Variants in AUTS2 observed in about 807,000 individuals in gnomAD.
The protein encoded by AUTS2 is autism susceptibility gene 2 protein.
AUTS2 carries 17 observed loss-of-function variants against 112.4 expected under a neutral mutation model. The observed-to-expected ratio is 0.15, with a 90% confidence interval of 0.10 to 0.23. AUTS2 has a LOEUF of 0.23. Among genes scored for constraint, AUTS2 ranks in the 10% least tolerant of loss-of-function variants. The pLI is 1.00. For synonymous variants in AUTS2, 751 were observed against 702.7 expected (o/e 1.07, Z -1.09); for missense variants, 1,510 against 1,701.6 (o/e 0.89, Z 1.98).
At position 70,085,469 on chromosome 7, in the gene AUTS2, A is replaced by G. The variant is rs554762430; in HGVS notation, c.523-32663A>G. 1.1e-4 allele frequency among the ~76,000 whole-genome samples: 17 copies of G among 152,056 alleles called. 1 individual carries two copies. The South Asian group carries it at 3.5e-3, about 32-fold the overall frequency. On this transcript the variant is annotated intron_variant, in intron 2 of 18. Transcript: ENST00000342771. ...CAACCTCCGCCTCTGTGTTCAAGCA[A>G]TTATCCCTGCCTCAGCCTCCTGAGT... is the stretch of plus-strand genomic sequence containing the variant.
At chr7:70,298,156 C>G (rs1012765298) in intron 4 of AUTS2, among the ~76,000 whole-genome samples, 5 of 151,906 alleles carry the variant, frequency 3.3e-5, no homozygotes, top group Admixed American at 6.6e-5. Context: ...CTCAGCCTCC[C>G]GAGTAGCTGG....
At chr7:70,063,508 C>T (rs1186961626) in intron 2 of AUTS2, among the ~76,000 whole-genome samples, 1 of 152,140 alleles carries the variant, frequency 6.6e-6, no homozygotes, top group African/African-American at 2.4e-5. Context: ...CTCTCAGCCT[C>T]GGTTTTCTCA....
intron 5 of AUTS2, among the ~76,000 whole-genome samples, chr7:70,510,950 G>A (rs1187516926): frequency 1.3e-5 from 2 of 152,130 alleles, no homozygotes; most frequent in African/African-American, 4.8e-5. Flanking sequence ...CCGGGTTCAA[G>A]TGATTGTCCT....
chr7:70,205,259 G>C (rs1391891074), intron 4 of AUTS2, among the ~76,000 whole-genome samples: 2 of 152,012 alleles, frequency 1.3e-5, no homozygotes, highest in African/African-American at 4.8e-5. Context: ...TATTGCCCAG[G>C]CTGGTCTTGA....
At chr7:70,418,921 A>G (rs1795100710) in intron 4 of AUTS2, among the ~76,000 whole-genome samples, 1 of 151,260 alleles carries the variant, frequency 6.6e-6, no homozygotes, top group African/African-American at 2.4e-5. Context: ...AACTCTATGT[A>G]TCTTGTTTCC....
chr7:70,695,244 C>T (rs955359000), intron 5 of AUTS2, among the ~76,000 whole-genome samples: 1 of 152,152 alleles, frequency 6.6e-6, no homozygotes, highest in Admixed American at 6.5e-5. Context: ...GGCCCTGTCG[C>T]CCGCCTTTGT....
chr7:69,908,938 A>G (rs980135791), intron 2 of AUTS2, among the ~76,000 whole-genome samples: 8 of 152,156 alleles, frequency 5.3e-5, no homozygotes, highest in South Asian at 2.1e-4. Flanking sequence ...TTCCCAGGTA[A>G]TCACCTTGGC....
intron 4 of AUTS2, among the ~76,000 whole-genome samples, chr7:70,274,143 T>C (rs1468816354): frequency 1.3e-5 from 2 of 152,172 alleles, no homozygotes; most frequent in Non-Finnish European, 2.9e-5. Context: ...GATTTCTTTT[T>C]CTCTCTTCTA....
chr7:69,796,713 G>A lies in AUTS2; in HGVS notation c.310-102573G>A, dbSNP rs373263725. 1.7e-4 allele frequency among the ~76,000 whole-genome samples: 26 copies of A among 152,208 alleles called. No homozygotes were observed. The East Asian group carries it at 5.0e-3, about 29-fold the overall frequency. On this transcript the variant is annotated intron_variant, in intron 1 of 18. Coordinates refer to ENST00000342771, the MANE Select transcript of AUTS2 (RefSeq NM_015570.4). ...TGCAGGGTAGCTGAAAAGAAATGCA[G>A]TTCTGTTATTTTTTTGTTATAGAGT...
At chr7:69,952,670 A>G (rs780679869) in intron 2 of AUTS2, among the ~76,000 whole-genome samples, 12 of 152,142 alleles carry the variant, frequency 7.9e-5, no homozygotes, top group Admixed American at 3.3e-4. Flanking sequence ...GTGACAATAT[A>G]CTAGGACCTA....
At chr7:70,510,107 G>A (rs942339736) in intron 5 of AUTS2, among the ~76,000 whole-genome samples, 2 of 152,098 alleles carry the variant, frequency 1.3e-5, no homozygotes, top group Non-Finnish European at 2.9e-5. Context: ...CCATCCCTGT[G>A]AGCCACCAGG....
intron 4 of AUTS2, among the ~76,000 whole-genome samples, chr7:70,204,976 G>A (rs1649371298): frequency 6.6e-6 from 1 of 152,132 alleles, no homozygotes; most frequent in African/African-American, 2.4e-5. Flanking sequence ...TTTGGTGACT[G>A]TGTCCATCAC....
At chr7:70,458,234 T>A (rs1247073804) in intron 5 of AUTS2, among the ~76,000 whole-genome samples, 2 of 152,202 alleles carry the variant, frequency 1.3e-5, no homozygotes, top group African/African-American at 2.4e-5. Context: ...CTCTGCCTCG[T>A]ATAATTTAAC....
intron 5 of AUTS2, among the ~76,000 whole-genome samples, chr7:70,501,532 G>A (rs1232749295): frequency 6.6e-6 from 1 of 152,136 alleles, no homozygotes; most frequent in Non-Finnish European, 1.5e-5. Context: ...CACACCCACA[G>A]GTGACAAAAG....
chr7:69,931,252 C>T (rs1267880387), intron 2 of AUTS2, among the ~76,000 whole-genome samples: 1 of 152,160 alleles, frequency 6.6e-6, no homozygotes, highest in Admixed American at 6.5e-5. Flanking sequence ...GGCATAGTGG[C>T]ACTCAATTAA....
intron 1 of AUTS2, among the ~76,000 whole-genome samples, chr7:69,676,742 A>G (rs759816378): frequency 1.8e-4 from 27 of 152,000 alleles, no homozygotes; most frequent in Non-Finnish European, 3.5e-4. Context: ...CTTTTTAGTT[A>G]ATTTTTCAGT....
intron 10 of AUTS2, among the ~76,000 whole-genome samples, chr7:70,768,546 A>G (rs895621442): frequency 7.2e-5 from 11 of 152,300 alleles, no homozygotes; most frequent in African/African-American, 2.4e-4. Context: ...CTTCTTCCAC[A>G]TGGCTGGTAT....
At chr7:69,758,051 G>GCC in intron 1 of AUTS2, among the ~76,000 whole-genome samples, 1 of 152,196 alleles carries the variant, frequency 6.6e-6, no homozygotes. Context: ...CTTTGATCTG[G>GCC]TTCTTGAAGG....
chr7:69,669,312 T>G (rs1796208174), intron 1 of AUTS2, among the ~76,000 whole-genome samples: 1 of 152,112 alleles, frequency 6.6e-6, no homozygotes. Context: ...GTTAAGATTT[T>G]AAGAATGCAT....
Sources: allele counts gnomAD v4.1 joint callset (sites outside exome capture counted in the v4.1 genomes callset), GRCh38; gene constraint gnomAD v4.1.1; transcripts MANE v1.5; gene names NCBI Gene and HGNC (gene_info 2026-07-23, HGNC 2026-07-21).